Variants in CPNE4 observed in about 807,000 individuals in gnomAD.
The protein encoded by CPNE4 is copine 4, also known as copine-4.
Under a neutral mutation model 67.9 loss-of-function variants are expected in CPNE4, and 25 were observed. That is an observed-to-expected ratio of 0.37 (90% CI 0.27 to 0.51). CPNE4 has a LOEUF of 0.51. CPNE4 is among the 20% of genes least tolerant of loss of function. The probability of loss-of-function intolerance (pLI) is 0.93; values close to 1 mark genes in which losing one functional copy is unlikely to be tolerated. For missense variants in CPNE4, 464 were observed against 690.8 expected (o/e 0.67, Z 3.68); for synonymous variants, 242 against 244.9 (o/e 0.99, Z 0.11).
intron 2 of CPNE4, among the ~76,000 whole-genome samples, chr3:131,866,149 A>G (rs1251930544): frequency 6.6e-6 from 1 of 152,264 alleles, no homozygotes; most frequent in Non-Finnish European, 1.5e-5. Flanking sequence ...CAGGATCTGG[A>G]TGGCACATCA....
At chr3:132,033,159 G>A (rs2074272549) in intron 1 of CPNE4, among the ~76,000 whole-genome samples, 2 of 152,368 alleles carry the variant, frequency 1.3e-5, no homozygotes, top group South Asian at 2.1e-4. Context: ...GCGCGAATGA[G>A]CAGGATTTAG....
intron 8 of CPNE4, 35 bp from the exon 9 acceptor site, chr3:131,581,700 G>C: frequency 6.7e-7 from 1 of 1,494,242 alleles, no homozygotes; most frequent in Non-Finnish European, 9.3e-7. Context: ...AATCTGTTCA[G>C]GAAAAAGCTG....
At chr3:131,562,939 T>C (rs1936856548) in intron 11 of CPNE4, among the ~76,000 whole-genome samples, 1 of 152,060 alleles carries the variant, frequency 6.6e-6, no homozygotes, top group African/African-American at 2.4e-5. Flanking sequence ...GGCCTGAGTG[T>C]TTAAAGCTCT....
rs559013296 is a variant in CPNE4, at chr3:131,787,149, C to G, written c.181-63524G>C. Among the ~76,000 whole-genome samples, 7 of 152,248 alleles carry G rather than the reference C, an allele frequency of 4.6e-5. No individual in the cohort carries two copies. In the South Asian group the frequency reaches 1.4e-3, roughly 32 times the overall value. On this transcript the variant is annotated intron_variant, in intron 2 of 15. Coordinates refer to ENST00000429747, the MANE Select transcript of CPNE4 (RefSeq NM_130808.3). ...ATTTGTAAGATTTCTCCTGGGTCTCCAGAATTAAGTTTTTATAGACACCTT... is the reference window on the plus strand; with the variant it reads ...ATTTGTAAGATTTCTCCTGGGTCTCGAGAATTAAGTTTTTATAGACACCTT...
At chr3:131,930,431 G>C (rs1358701) in intron 1 of CPNE4, among the ~76,000 whole-genome samples, 54,363 of 151,792 alleles carry the variant, frequency 0.36, 10,342 homozygotes, top group African/African-American at 0.47. Context: ...CAATCTTCTA[G>C]TTGGATTTCC....
chr3:132,023,790 A>T (rs546769134), intron 1 of CPNE4, among the ~76,000 whole-genome samples: 19 of 152,188 alleles, frequency 1.2e-4, no homozygotes, highest in African/African-American at 2.9e-4. Context: ...CCCGGCCCAG[A>T]TCAGCCTTTT....
At position 131,550,018 on chromosome 3, in the gene CPNE4, T is replaced by C; in HGVS notation, c.1231A>G (p.Thr411Ala). Residue 411 changes from threonine to alanine, a missense_variant, in exon 14 of 16, where the codon ACC becomes GCC. Coordinates refer to ENST00000429747, the MANE Select transcript of CPNE4 (RefSeq NM_130808.3). ...TTCTGGATGATGGGGGCAATGTTGG[T>C]GGGACCGTAGAGTTGGAGCTTAGGA... The part of the protein sequence containing the change: ...CLPKLQLYGP[T>A]NIAPIIQKVA... The C allele has an allele frequency of 6.2e-7, 1 of 1,613,286 alleles. No homozygotes were observed. The highest frequency in any genetic ancestry group is 8.5e-7 in the Non-Finnish European group (1 of 1,179,474).
intron 1 of CPNE4, among the ~76,000 whole-genome samples, chr3:131,977,864 A>T (rs2072708751): frequency 1.3e-5 from 2 of 150,836 alleles, no homozygotes; most frequent in South Asian, 4.2e-4. Flanking sequence ...CCCAAAGTCC[A>T]CTGTGTCATT....
intron 2 of CPNE4, among the ~76,000 whole-genome samples, chr3:131,774,414 T>C (rs1412718009): frequency 1.3e-5 from 2 of 151,986 alleles, no homozygotes; most frequent in South Asian, 2.1e-4. Context: ...GGCCACCATC[T>C]TACTATAAGG....
chr3:132,013,636 C>T (rs2073824364), intron 1 of CPNE4, among the ~76,000 whole-genome samples: 2 of 152,170 alleles, frequency 1.3e-5, no homozygotes, highest in African/African-American at 4.8e-5. Context: ...ACATCCTTGC[C>T]TAGTATTTTA....
chr3:131,890,101 C>T (rs1200565479), intron 2 of CPNE4, among the ~76,000 whole-genome samples: 2 of 151,698 alleles, frequency 1.3e-5, no homozygotes, highest in African/African-American at 4.8e-5. Flanking sequence ...AGTGTCAAAC[C>T]AAAAAGTTTA....
At chr3:131,645,262 G>A (rs537114627) in intron 7 of CPNE4, among the ~76,000 whole-genome samples, 4 of 152,182 alleles carry the variant, frequency 2.6e-5, no homozygotes, top group Admixed American at 6.5e-5. Context: ...ACTAGTTACA[G>A]ATAATATCTC....
At chr3:131,699,690 T>C (rs2081245293) in intron 4 of CPNE4, among the ~76,000 whole-genome samples, 1 of 152,258 alleles carries the variant, frequency 6.6e-6, no homozygotes, top group South Asian at 2.1e-4. Flanking sequence ...TACTTTCAAA[T>C]GCTTTTCCTT....
At chr3:131,541,214 G>C (rs1476410964) in intron 15 of CPNE4, among the ~76,000 whole-genome samples, 4 of 152,158 alleles carry the variant, frequency 2.6e-5, no homozygotes, top group African/African-American at 9.7e-5. Flanking sequence ...TACTCTAGAG[G>C]GGTCTTCAGG....
intron 7 of CPNE4, among the ~76,000 whole-genome samples, chr3:131,594,066 GTCT>G (rs1938699039): frequency 6.6e-6 from 1 of 152,070 alleles, no homozygotes; most frequent in Non-Finnish European, 1.5e-5. Flanking sequence ...GGGCATACTT[GTCT>G]TCTTCCTGAT....
intron 2 of CPNE4, among the ~76,000 whole-genome samples, chr3:131,733,481 A>G (rs1171538802): frequency 6.6e-6 from 1 of 152,268 alleles, no homozygotes; most frequent in Non-Finnish European, 1.5e-5. Flanking sequence ...ATATGATTCT[A>G]TAACATAGAA....
intron 1 of CPNE4, among the ~76,000 whole-genome samples, chr3:131,964,583 G>A (rs1472305026): frequency 6.6e-6 from 1 of 151,616 alleles, no homozygotes; most frequent in Non-Finnish European, 1.5e-5. Flanking sequence ...GCATACACGA[G>A]CATCAATAGC....
intron 10 of CPNE4, among the ~76,000 whole-genome samples, chr3:131,569,421 G>A (rs1937217498): frequency 6.6e-6 from 1 of 151,920 alleles, no homozygotes; most frequent in Non-Finnish European, 1.5e-5. Flanking sequence ...TATAACTTGA[G>A]GCCAGGAGTT....
intron 5 of CPNE4, among the ~76,000 whole-genome samples, chr3:131,692,867 A>C (rs560358205): frequency 6.6e-6 from 1 of 152,310 alleles, no homozygotes; most frequent in Admixed American, 6.5e-5. Flanking sequence ...TACTTTCTCA[A>C]GAATGGGAAA....
Sources: allele counts gnomAD v4.1 joint callset (sites outside exome capture counted in the v4.1 genomes callset), GRCh38; gene constraint gnomAD v4.1.1; transcripts MANE v1.5; gene names NCBI Gene and HGNC (gene_info 2026-07-23, HGNC 2026-07-21).